SORCS1: variants seen among roughly 807,000 people sequenced by gnomAD.
SORCS1 encodes sortilin related VPS10 domain containing receptor 1, also known as VPS10 domain-containing receptor SorCS1.
A neutral mutation model predicts 146.1 loss-of-function variants in SORCS1; 60 were observed. That is an observed-to-expected ratio of 0.41 (90% CI 0.33 to 0.51). The LOEUF is 0.51. Ranked by LOEUF, SORCS1 falls within the 20% of genes least tolerant of loss-of-function variation. SORCS1 has a pLI of 0.21. For missense variants in SORCS1, 1,352 were observed against 1,487.6 expected (o/e 0.91, Z 1.50); for synonymous variants, 637 against 584.0 (o/e 1.09, Z -1.31).
At chr10:106,986,578 ATC>A (rs796981649) in intron 1 of SORCS1, among the ~76,000 whole-genome samples, 5 of 150,678 alleles carry the variant, frequency 3.3e-5, no homozygotes, top group African/African-American at 9.8e-5. Context: ...TTTATACCCC[ATC>A]TCTCTCTTTC....
chr10:107,137,109 C>A (rs578029981), intron 1 of SORCS1, among the ~76,000 whole-genome samples: 9 of 152,186 alleles, frequency 5.9e-5, no homozygotes, highest in Non-Finnish European at 1.3e-4. Context: ...ATAAGGGTAT[C>A]CCTTAATGTA....
intron 2 of SORCS1, among the ~76,000 whole-genome samples, chr10:106,933,946 T>C (rs1168824267): frequency 6.6e-6 from 1 of 151,826 alleles, no homozygotes; most frequent in African/African-American, 2.4e-5. Flanking sequence ...ATACAAAAAT[T>C]AGCTGAGCAT....
chr10:106,968,078 C>T (rs544543587), intron 1 of SORCS1, among the ~76,000 whole-genome samples: 20 of 150,532 alleles, frequency 1.3e-4, no homozygotes, highest in Admixed American at 4.0e-4. Flanking sequence ...GGCGTGGTGG[C>T]GGGTGCCTGT....
chr10:107,111,492 G>A (rs900827594), intron 1 of SORCS1, among the ~76,000 whole-genome samples: 2 of 152,062 alleles, frequency 1.3e-5, no homozygotes, highest in Admixed American at 6.5e-5. Context: ...TGAATTCAAA[G>A]ACAGGCCATT....
In SORCS1 at chr10:106,607,207, G is replaced by A; in HGVS notation, c.3124C>T (p.Pro1042Ser). 6.2e-7 allele frequency: 1 copy of A among 1,614,122 alleles called. No individual in the cohort carries two copies. The highest frequency in any genetic ancestry group is 1.1e-5 in the South Asian group (1 of 91,088). Residue 1042 changes from proline (P) to serine (S), a missense_variant, in exon 23 of 26, where the codon CCA (proline) becomes TCA (serine). Physicochemically the swap from Pro to Ser is moderately conservative, Grantham distance 74 (BLOSUM62 -1). This residue lies in a region of SORCS1 where 214 missense variants were observed against 204.8 expected (regional missense o/e 1.05). Transcript: ENST00000263054. ...GTTGACCTTTTGTTTTCTCCAGCTGGATCCTGATAGGGTAGGACAAAGAGT... is the reference window on the plus strand; with the variant it reads ...GTTGACCTTTTGTTTTCTCCAGCTGAATCCTGATAGGGTAGGACAAAGAGT... ...AELFVLPYQD[P>S]AGENKRSTDD...
intron 1 of SORCS1, chr10:106,970,037 C>A (rs1404606995): frequency 6.6e-6 from 1 of 152,392 alleles, no homozygotes; most frequent in African/African-American, 2.4e-5. Context: ...GGCCATACCA[C>A]CCTGAACGCG....
At chr10:106,731,519 C>A (rs1856598662) in intron 5 of SORCS1, among the ~76,000 whole-genome samples, 1 of 152,068 alleles carries the variant, frequency 6.6e-6, no homozygotes, top group African/African-American at 2.4e-5. Context: ...CTTCACCTAA[C>A]CCCTGAATCA....
chr10:106,917,878 C>G (rs1460680516), intron 2 of SORCS1, among the ~76,000 whole-genome samples: 4 of 152,158 alleles, frequency 2.6e-5, no homozygotes, highest in Non-Finnish European at 5.9e-5. Flanking sequence ...GAGTGGTGCT[C>G]GCTTCAAGTG....
At chr10:107,003,429 AGTGTGTGTGTGTGTGTGTGT>A (rs59467041) in intron 1 of SORCS1, among the ~76,000 whole-genome samples, 40 of 140,528 alleles carry the variant, frequency 2.8e-4, no homozygotes, top group African/African-American at 8.5e-4. Context: ...AATTCCCATA[AGTGTGTGTGTGTGTGTGTGT>A]GTGTGTGTGT....
chr10:106,953,003 A>C (rs11815667), intron 2 of SORCS1, among the ~76,000 whole-genome samples: 16,274 of 151,388 alleles, frequency 0.11, 1,393 homozygotes, highest in African/African-American at 0.23. Flanking sequence ...ACTACTACTA[A>C]TAATAATAAT....
chr10:106,652,005 T>A (rs1849900307), intron 18 of SORCS1, among the ~76,000 whole-genome samples: 1 of 152,180 alleles, frequency 6.6e-6, no homozygotes, highest in East Asian at 1.9e-4. Context: ...TGAGAGGGGA[T>A]GAAAGTATTA....
At chr10:106,719,102 G>A (rs1855597795) in intron 6 of SORCS1, among the ~76,000 whole-genome samples, 1 of 152,146 alleles carries the variant, frequency 6.6e-6, no homozygotes, top group African/African-American at 2.4e-5. Flanking sequence ...AAGACAGTAG[G>A]GAGTAGGGGA....
At chr10:106,598,016 C>A (rs1846008198) in intron 23 of SORCS1, among the ~76,000 whole-genome samples, 1 of 152,050 alleles carries the variant, frequency 6.6e-6, no homozygotes, top group Non-Finnish European at 1.5e-5. Context: ...CAGGCTGACA[C>A]ACGGATACCG....
At chr10:106,822,057 A>G (rs902695819) in intron 3 of SORCS1, among the ~76,000 whole-genome samples, 10 of 152,184 alleles carry the variant, frequency 6.6e-5, no homozygotes, top group Admixed American at 2.0e-4. Flanking sequence ...TTTGGAATGT[A>G]TGCATTGATC....
In SORCS1 at chr10:106,872,757, TTAGA is replaced by T. The variant is rs535792312; in HGVS notation, c.627-43088_627-43085del. ...TAATCTGAGGTACCAAAAGACAAAA[TTAGA>T]TAGGACAGAAATTTATCATTATCTT... On this transcript the variant is annotated intron_variant, in intron 2 of 25. Coordinates refer to ENST00000263054, the MANE Select transcript of SORCS1 (RefSeq NM_052918.5). 1.2e-3 allele frequency among the ~76,000 whole-genome samples: 177 copies of T among 152,240 alleles called. 1 individual carries two copies. Among genetic ancestry groups the T allele is most frequent in the African/African-American group, 3.9e-3 (162 of 41,534 alleles).
intron 9 of SORCS1, among the ~76,000 whole-genome samples, chr10:106,695,598 C>T (rs928710833): frequency 6.6e-6 from 1 of 152,186 alleles, no homozygotes; most frequent in African/African-American, 2.4e-5. Flanking sequence ...TGACAACAGT[C>T]CCTACCTCAT....
intron 4 of SORCS1, among the ~76,000 whole-genome samples, chr10:106,767,782 C>T (rs1208448416): frequency 2.6e-5 from 4 of 152,292 alleles, no homozygotes; most frequent in African/African-American, 4.8e-5. Flanking sequence ...TGAGCCACCA[C>T]GCCCGGCCCC....
In SORCS1 at chr10:106,750,728, CAAAAAAAAAAAAAAAAAA is replaced by C. The variant is rs572295853; in HGVS notation, c.959+10842_959+10859del. ...TGGGCGACAGGGTGAGACTCCCTCTCAAAAAAAAAAAAAAAAAAAAAAAAAAAAAAAAAGAAAAGAAAA... is the reference window on the plus strand; with the variant it reads ...TGGGCGACAGGGTGAGACTCCCTCTCAAAAAAAAAAAAAAAGAAAAGAAAA... On this transcript the variant is annotated intron_variant, in intron 5 of 25. Transcript: ENST00000263054. Among the ~76,000 whole-genome samples the C allele has an allele frequency of 3.3e-4, 8 of 24,020 alleles. 1 individual carries two copies. The highest frequency in any genetic ancestry group is 3.1e-3 in the East Asian group (3 of 956). The allele number at this position is 24,020 out of a possible 152,430, so 15.8% of individuals were successfully genotyped here.
chr10:107,029,594 A>T (rs190316604), intron 1 of SORCS1, among the ~76,000 whole-genome samples: 1 of 152,232 alleles, frequency 6.6e-6, no homozygotes. Flanking sequence ...TTCTCAATGC[A>T]TCATTCAATT....
Sources: gnomAD v4.1 joint callset for allele counts (sites outside exome capture counted in the v4.1 genomes callset) on GRCh38, gnomAD v4.1.1 for gene constraint, gnomAD v4.1.1 regional missense constraint, MANE v1.5 for transcripts, NCBI Gene and HGNC (gene_info 2026-07-23, HGNC 2026-07-21) for gene names.